The following MAST4 variants were observed in gnomAD, a reference collection of about 807,000 sequenced individuals.
The protein encoded by MAST4 is microtubule-associated serine/threonine-protein kinase 4.
In MAST4, 89 loss-of-function variants were observed where a neutral mutation model predicts 162.7. The ratio of observed to expected loss-of-function variants is 0.55; its 90% CI spans 0.46 to 0.65. The LOEUF (loss-of-function observed/expected upper bound fraction) is 0.65. MAST4 is among the 30% of genes least tolerant of loss of function. The probability of loss-of-function intolerance (pLI) is 0.00; values close to 1 mark genes in which losing one functional copy is unlikely to be tolerated. For missense variants in MAST4, 3,153 were observed against 3,374.0 expected (o/e 0.93, Z 1.62); for synonymous variants, 1,479 against 1,361.1 (o/e 1.09, Z -1.91).
chr5:66,719,905 A>T (rs945461439), intron 1 of MAST4, among the ~76,000 whole-genome samples: 1 of 152,156 alleles, frequency 6.6e-6, no homozygotes, highest in Non-Finnish European at 1.5e-5. Flanking sequence ...AGCAGTTGTC[A>T]TAGTCATTGT....
At position 66,789,114 on chromosome 5, in the gene MAST4, A is replaced by G. The variant is rs139324421; in HGVS notation, c.642+320A>G. Reference sequence around the variant, plus strand: ...CAAGAATAAGAAAAATTCTTAGAATACCAGTTTATCCTTTATCTAGATCTG... The same window carrying G: ...CAAGAATAAGAAAAATTCTTAGAATGCCAGTTTATCCTTTATCTAGATCTG... On this transcript the variant is annotated intron_variant, in intron 3 of 28. Coordinates refer to ENST00000403625, the MANE Select transcript of MAST4 (RefSeq NM_001164664.2). Among the ~76,000 whole-genome samples the G allele has an allele frequency of 9.1e-4, 139 of 152,308 alleles. 2 individuals carry two copies. Among genetic ancestry groups the G allele is most frequent in the African/African-American group, 3.2e-3 (134 of 41,570 alleles).
chr5:67,040,302 A>G (rs147216016), intron 4 of MAST4, among the ~76,000 whole-genome samples: 4 of 152,304 alleles, frequency 2.6e-5, no homozygotes, highest in African/African-American at 9.6e-5. Context: ...ATGCATAAAC[A>G]CAGTTCTCTC....
intron 3 of MAST4, among the ~76,000 whole-genome samples, chr5:66,851,981 A>G (rs1462733642): frequency 6.6e-6 from 1 of 152,200 alleles, no homozygotes; most frequent in Admixed American, 6.5e-5. Flanking sequence ...TTTAATGAAT[A>G]GTAATTTCCA....
At chr5:66,608,591 A>G (rs1191914807) in intron 1 of MAST4, among the ~76,000 whole-genome samples, 1 of 151,698 alleles carries the variant, frequency 6.6e-6, no homozygotes, top group Non-Finnish European at 1.5e-5. Flanking sequence ...CTCACCTCCC[A>G]ATCCCTGCGG....
intron 3 of MAST4, among the ~76,000 whole-genome samples, chr5:66,827,140 C>T (rs1392373730): frequency 1.3e-5 from 2 of 152,034 alleles, no homozygotes; most frequent in East Asian, 1.9e-4. Flanking sequence ...TTATTTTTGT[C>T]CTTTGATTTA....
intron 2 of MAST4, among the ~76,000 whole-genome samples, chr5:66,776,514 G>A (rs1305950624): frequency 9.2e-5 from 14 of 152,200 alleles, no homozygotes; most frequent in Admixed American, 9.2e-4. Flanking sequence ...TATAAGAAGT[G>A]ACACAGTCTT....
intron 1 of MAST4, among the ~76,000 whole-genome samples, chr5:66,625,451 G>A (rs1173716267): frequency 6.6e-6 from 1 of 152,076 alleles, no homozygotes; most frequent in East Asian, 1.9e-4. Flanking sequence ...TCTAATAAGG[G>A]ATTAACATCC....
intron 3 of MAST4, among the ~76,000 whole-genome samples, chr5:66,828,060 A>T (rs892388609): frequency 4.6e-5 from 7 of 152,184 alleles, no homozygotes; most frequent in Non-Finnish European, 1.0e-4. Context: ...CCAACTAATG[A>T]TGGCTCTTAG....
At position 67,164,472 on chromosome 5, in the gene MAST4, G is replaced by A; in HGVS notation, c.5293G>A (p.Val1765Met). Residue 1765 changes from valine to methionine, a missense_variant, in exon 29 of 29, where the codon GTG becomes ATG. Around this residue, in one of 7 missense-constraint regions of MAST4, gnomAD observed 1,644 missense variants for 1,495.0 expected, o/e 1.10. Transcript: ENST00000403625. This position sits in a 1 kb window ranked among gnomAD's most constrained non-coding sequence, Gnocchi z 5.3. The stretch of plus-strand genomic sequence containing the variant: ...TCCCCTCAAGGCCTTAACAGGCCGG[G>A]TGGACAGTGGAACGGAGAAGCCTGG... ...FVPLKALTGR[V>M]DSGTEKPGLV... 1 of 1,614,058 alleles carries A rather than the reference G, an allele frequency of 6.2e-7. No homozygotes were observed. Among genetic ancestry groups the A allele is most frequent in the Non-Finnish European group, 8.5e-7 (1 of 1,179,902 alleles).
chr5:66,999,624 G>A (rs924188702), intron 4 of MAST4, among the ~76,000 whole-genome samples: 2 of 152,022 alleles, frequency 1.3e-5, no homozygotes, highest in Non-Finnish European at 2.9e-5. Context: ...ACTACCTTCG[G>A]AGATTGTGTA....
intron 26 of MAST4, among the ~76,000 whole-genome samples, chr5:67,158,444 C>T (rs1772800713): frequency 1.3e-5 from 2 of 152,038 alleles, no homozygotes; most frequent in African/African-American, 4.8e-5. Flanking sequence ...TGGTTGTGTG[C>T]TCCCGTAATC....
intron 2 of MAST4, among the ~76,000 whole-genome samples, chr5:66,773,587 T>C (rs1381548673): frequency 6.6e-6 from 1 of 152,200 alleles, no homozygotes; most frequent in Non-Finnish European, 1.5e-5. Context: ...TGATAGTATT[T>C]AGAAGTAGGG....
intron 1 of MAST4, among the ~76,000 whole-genome samples, chr5:66,727,828 A>G (rs1480240421): frequency 6.6e-6 from 1 of 152,100 alleles, no homozygotes; most frequent in African/African-American, 2.4e-5. Context: ...TCCCTGGTCC[A>G]AAACTAGTGA....
At chr5:66,687,001 A>T (rs1241452327) in intron 1 of MAST4, among the ~76,000 whole-genome samples, 1 of 151,956 alleles carries the variant, frequency 6.6e-6, no homozygotes, top group African/African-American at 2.4e-5. Context: ...ATGTTCTTAA[A>T]TTTTTTTTCA....
chr5:66,641,843 CTAGT>C (rs1383111464), intron 1 of MAST4, among the ~76,000 whole-genome samples: 5 of 152,042 alleles, frequency 3.3e-5, no homozygotes, highest in Non-Finnish European at 7.4e-5. Flanking sequence ...CCAAAAAAAC[CTAGT>C]TAGTCACCTT....
intron 3 of MAST4, among the ~76,000 whole-genome samples, chr5:66,850,129 T>G (rs1417203142): frequency 1.3e-5 from 2 of 152,320 alleles, no homozygotes; most frequent in East Asian, 3.9e-4. Context: ...GAGTTCAAGT[T>G]TAGAGCTTTT....
At chr5:67,053,880 A>G (rs1197133079) in intron 4 of MAST4, among the ~76,000 whole-genome samples, 1 of 152,244 alleles carries the variant, frequency 6.6e-6, no homozygotes, top group African/African-American at 2.4e-5. Flanking sequence ...ATTGAATGCC[A>G]TATACAAGAT....
At chr5:66,906,840 T>C (rs74943577) in intron 4 of MAST4, among the ~76,000 whole-genome samples, 4,973 of 152,220 alleles carry the variant, frequency 0.033, 148 homozygotes, top group African/African-American at 0.076. Flanking sequence ...TTGCCTTTCT[T>C]GGTTAGGCAC....
intron 13 of MAST4, 40 bp downstream of exon 13, chr5:67,118,789 T>C: frequency 8.0e-7 from 1 of 1,251,636 alleles, no homozygotes; most frequent in East Asian, 2.5e-5. Flanking sequence ...TTGGTTTTTC[T>C]GTTTAGCATC....
Sources: allele counts gnomAD v4.1 joint callset (sites outside exome capture counted in the v4.1 genomes callset), GRCh38; gene constraint gnomAD v4.1.1; regional missense constraint gnomAD v4.1.1; non-coding constraint Gnocchi (gnomAD v3.1); transcripts MANE v1.5; gene names NCBI Gene and HGNC (gene_info 2026-07-23, HGNC 2026-07-21).